The following CCDC63 variants were observed in gnomAD, a reference collection of about 807,000 sequenced individuals.
The protein encoded by CCDC63 is coiled-coil domain containing 63.
A neutral mutation model predicts 63.6 loss-of-function variants in CCDC63; 54 were observed. The observed-to-expected ratio is 0.85, with a 90% CI of 0.68 to 1.07. The LOEUF (loss-of-function observed/expected upper bound fraction) is 1.07, where lower values mean the gene tolerates loss of function less well. CCDC63 is among the 50% of genes least tolerant of loss of function. The pLI is 0.00. For missense variants in CCDC63, 637 were observed against 689.6 expected, an observed-to-expected ratio of 0.92 and a Z score of 0.86; for synonymous variants, 253 against 266.1, an observed-to-expected ratio of 0.95 and a Z score of 0.48.
intron 8 of CCDC63, among the ~76,000 whole-genome samples, chr12:110,888,917 G>C (rs986218477): frequency 6.7e-6 from 1 of 149,798 alleles, no homozygotes; most frequent in Non-Finnish European, 1.5e-5. Context: ...TGTCACCCAG[G>C]CTGGAGTACA....
In CCDC63 at chr12:110,866,537, C is replaced by T. The variant is rs1271644563; in HGVS notation, c.370-7305C>T. ...TGATGACTCTTAACGAGCATGCTGCCTTCAAGCATCTGTTTAACAAAGCAC... is the reference window on the plus strand; with the variant it reads ...TGATGACTCTTAACGAGCATGCTGCTTTCAAGCATCTGTTTAACAAAGCAC... On this transcript the variant is annotated intron_variant, in intron 4 of 11. Transcript: ENST00000308208. Among the ~76,000 whole-genome samples, 8 of 140,776 alleles carry T rather than the reference C, an allele frequency of 5.7e-5. No homozygotes were observed. The East Asian group carries it at 1.6e-3, about 29-fold the overall frequency. The allele number at this position is 140,776 out of a possible 152,430, so 92.4% of individuals were successfully genotyped here. A position where few individuals can be genotyped will look rare whatever the true frequency, so the allele number is the denominator to read the frequency against.
chr12:110,891,977 G>A (rs1236185981), intron 8 of CCDC63, among the ~76,000 whole-genome samples: 1 of 152,192 alleles, frequency 6.6e-6, no homozygotes, highest in Non-Finnish European at 1.5e-5. Context: ...AGAGCACATG[G>A]TTTAAGCCCA....
intron 4 of CCDC63, among the ~76,000 whole-genome samples, chr12:110,867,739 G>C (rs2070988916): frequency 7.8e-6 from 1 of 127,828 alleles, no homozygotes; most frequent in Non-Finnish European, 1.7e-5. Flanking sequence ...AGGGCGGCTG[G>C]CCAGGCGGGG....
rs1396641738 is a variant in CCDC63 at position 110,907,019 on chromosome 12, G to A, written c.1547-312G>A. Among the ~76,000 whole-genome samples, 1 of 152,148 alleles carries A rather than the reference G, an allele frequency of 6.6e-6. No individual in the cohort carries two copies. Among genetic ancestry groups the A allele is most frequent in the Non-Finnish European group, 1.5e-5 (1 of 68,028 alleles). Reference sequence around the variant, plus strand: ...AGCTATGGCTCAGCAATCAAGTGGGGGCTGGATTTCAGCCCATCCATCTAC... The same window carrying A: ...AGCTATGGCTCAGCAATCAAGTGGGAGCTGGATTTCAGCCCATCCATCTAC... On this transcript the variant is annotated intron_variant, in intron 11 of 11. Transcript: ENST00000308208. This position sits in a 1 kb window ranked among gnomAD's most constrained non-coding sequence, Gnocchi z 4.4.
intron 4 of CCDC63, among the ~76,000 whole-genome samples, chr12:110,868,403 C>A (rs4766435): frequency 2.7e-5 from 4 of 149,862 alleles, no homozygotes; most frequent in Non-Finnish European, 5.9e-5. Flanking sequence ...TAGGTTGTAG[C>A]GAGCCGAGAT....
intron 4 of CCDC63, among the ~76,000 whole-genome samples, chr12:110,866,383 T>C (rs1301914418): frequency 6.7e-6 from 1 of 148,770 alleles, no homozygotes; most frequent in East Asian, 1.9e-4. Context: ...TTTGGCAGGG[T>C]CATGGGACCA....
intron 4 of CCDC63, among the ~76,000 whole-genome samples, chr12:110,868,740 G>A (rs1450727037): frequency 1.8e-5 from 2 of 113,598 alleles, no homozygotes; most frequent in African/African-American, 6.7e-5. Flanking sequence ...GGAGGGAGAG[G>A]GAGAGGGGGA....
At chr12:110,854,902 G>A (rs1334479053) in intron 3 of CCDC63, among the ~76,000 whole-genome samples, 2 of 152,072 alleles carry the variant, frequency 1.3e-5, no homozygotes, top group Non-Finnish European at 2.9e-5. Context: ...AGACTCAAGC[G>A]ATTCTCCGAC....
At chr12:110,882,668 C>A (rs11065743) in intron 7 of CCDC63, among the ~76,000 whole-genome samples, 32,267 of 151,486 alleles carry the variant, frequency 0.21, 4,287 homozygotes, top group East Asian at 0.32. Context: ...TAGCACATAC[C>A]AAAATTCTAG....
intron 1 of CCDC63, among the ~76,000 whole-genome samples, chr12:110,847,715 C>T (rs1359944990): frequency 6.6e-6 from 1 of 152,182 alleles, no homozygotes; most frequent in Non-Finnish European, 1.5e-5. Flanking sequence ...GGCTAGTGCC[C>T]TAAGCACATG....
chr12:110,891,734 T>C (rs1293353072), intron 8 of CCDC63, among the ~76,000 whole-genome samples: 1 of 151,694 alleles, frequency 6.6e-6, no homozygotes. Flanking sequence ...GCCAGGAATC[T>C]GCATTTTAGC....
intron 4 of CCDC63, among the ~76,000 whole-genome samples, chr12:110,860,843 C>G (rs567887996): frequency 6.6e-6 from 1 of 152,342 alleles, no homozygotes; most frequent in Non-Finnish European, 1.5e-5. Context: ...CCCACCTCGG[C>G]CTCCCAAAGT....
chr12:110,873,705 G>A, intron 4 of CCDC63, 137 bp from the exon 5 acceptor site: 2 of 1,101,232 alleles, frequency 1.8e-6, no homozygotes, highest in Non-Finnish European at 2.5e-6. Flanking sequence ...TTTTGTCTGA[G>A]CACACTTCAG....
rs528522567 is a variant in CCDC63 at position 110,853,042 on chromosome 12, G to C, written c.9+79G>C. On this transcript the variant is annotated intron_variant, in intron 2 of 11. Coordinates refer to ENST00000308208, the MANE Select transcript of CCDC63 (RefSeq NM_152591.3). ...TGCCATCCACTTTACACGTTAGCTC[G>C]TCTCATCCTGACAAACAGATCTGTG... is the stretch of plus-strand genomic sequence containing the variant. 13 of 1,464,966 alleles carry C rather than the reference G, an allele frequency of 8.9e-6. No homozygotes were observed. In the South Asian group the frequency reaches 1.4e-4, roughly 16 times the overall value. 90.7% of individuals were successfully genotyped at this position (1,464,966 alleles called of 1,614,324 possible).
chr12:110,901,056 T>C (rs969254065), intron 10 of CCDC63, among the ~76,000 whole-genome samples: 4 of 152,166 alleles, frequency 2.6e-5, no homozygotes, highest in South Asian at 2.1e-4. Flanking sequence ...CAGAACAAAA[T>C]TGGCAAAGCA....
At chr12:110,850,351 C>T (rs763265593) in intron 1 of CCDC63, among the ~76,000 whole-genome samples, 1 of 152,230 alleles carries the variant, frequency 6.6e-6, no homozygotes, top group Non-Finnish European at 1.5e-5. Context: ...CCTGGTTGGG[C>T]AGCTAACTCA....
At position 110,867,997 on chromosome 12, in the gene CCDC63, G is replaced by T. The variant is rs2070998141; in HGVS notation, c.370-5845G>T. Among the ~76,000 whole-genome samples, 8 of 143,074 alleles carry T rather than the reference G, an allele frequency of 5.6e-5. No individual in the cohort carries two copies. The South Asian group carries it at 1.8e-3, about 32-fold the overall frequency. 93.9% of individuals were successfully genotyped at this position (143,074 alleles called of 152,430 possible). A position where few individuals can be genotyped will look rare whatever the true frequency, so the allele number is the denominator to read the frequency against. On this transcript the variant is annotated intron_variant, in intron 4 of 11. Transcript: ENST00000308208. ...AGACGGGGCGGTTGCCAGGCAGAGG[G>T]TCTCCTCACTTCTCAGACGGGGCGG... is the stretch of plus-strand genomic sequence containing the variant.
rs148044780 is a variant in CCDC63, at chr12:110,899,056, G to C, written c.1273G>C (p.Ala425Pro). 1.2e-5 allele frequency: 19 copies of C among 1,613,756 alleles called. No individual in the cohort carries two copies. The South Asian group carries it at 2.1e-4, about 18-fold the overall frequency. Residue 425 changes from alanine (A) to proline (P), a missense_variant, in exon 10 of 12, where the codon GCC (alanine) becomes CCC (proline). Ala to Pro is a conservative substitution (Grantham distance 27). Transcript: ENST00000308208. ...EKLFKKINCD[A>P]TKILVQLGET... ...ACTGTTCAAGAAGATAAACTGTGAC[G>C]CCACCAAGATCCTGGTGCAGTTAGG...
At chr12:110,887,181 G>A (rs939915855) in intron 8 of CCDC63, among the ~76,000 whole-genome samples, 1 of 151,856 alleles carries the variant, frequency 6.6e-6, no homozygotes, top group African/African-American at 2.4e-5. Context: ...AGGCTGGACT[G>A]TAGTGGCACG....
Sources: allele counts gnomAD v4.1 joint callset (sites outside exome capture counted in the v4.1 genomes callset), GRCh38; gene constraint gnomAD v4.1.1; non-coding constraint Gnocchi (gnomAD v3.1); transcripts MANE v1.5; gene names NCBI Gene and HGNC (gene_info 2026-07-23, HGNC 2026-07-21).